Variants in LRRIQ1 observed in about 807,000 individuals in gnomAD.
LRRIQ1 encodes leucine rich repeats and IQ motif containing 1, also known as leucine-rich repeat- and IQ domain-containing protein 1.
LRRIQ1 carries 210 observed loss-of-function variants against 211.9 expected under a neutral mutation model. That is an observed-to-expected ratio of 0.99 (90% CI 0.89 to 1.11). The LOEUF is 1.11. Among genes scored for constraint, LRRIQ1 ranks in the 50% most tolerant of loss-of-function variants. The probability of loss-of-function intolerance (pLI) is 0.00; values close to 1 mark genes in which losing one functional copy is unlikely to be tolerated. For synonymous variants in LRRIQ1, 699 were observed against 650.1 expected (o/e 1.08, Z -1.14); for missense variants, 2,136 against 1,939.5 (o/e 1.10, Z -1.90).
chr12:85,079,002 A>G (rs1453234414), intron 11 of LRRIQ1, among the ~76,000 whole-genome samples: 1 of 152,166 alleles, frequency 6.6e-6, no homozygotes, highest in Admixed American at 6.5e-5. Context: ...CTGACTTAAC[A>G]CAAGACATCT....
intron 7 of LRRIQ1, 103 bp downstream of exon 7, chr12:85,052,354 T>C: frequency 1.8e-6 from 1 of 568,300 alleles, no homozygotes; most frequent in East Asian, 3.1e-5. Flanking sequence ...CTAAGTAGTA[T>C]AAGATTTTAG....
intron 24 of LRRIQ1, among the ~76,000 whole-genome samples, chr12:85,170,645 A>G (rs773894634): frequency 6.6e-6 from 1 of 151,740 alleles, no homozygotes; most frequent in Non-Finnish European, 1.5e-5. Flanking sequence ...GACCATATGT[A>G]GCCTGTGTAC....
intron 24 of LRRIQ1, among the ~76,000 whole-genome samples, chr12:85,223,393 T>A (rs1477941923): frequency 6.6e-6 from 1 of 152,104 alleles, no homozygotes. Flanking sequence ...AAAAGAGTTG[T>A]AAGACAAAGG....
chr12:85,212,958 C>G (rs1483965326), intron 24 of LRRIQ1, among the ~76,000 whole-genome samples: 2 of 150,604 alleles, frequency 1.3e-5, no homozygotes, highest in Non-Finnish European at 3.0e-5. Context: ...AAAAATAACA[C>G]AGTACAGATG....
At chr12:85,261,443 C>A (rs1176553236) in intron 1 of LRRIQ1, among the ~76,000 whole-genome samples, 1 of 152,090 alleles carries the variant, frequency 6.6e-6, no homozygotes, top group Non-Finnish European at 1.5e-5. Flanking sequence ...TTTGAAATTA[C>A]AGACCAATTT....
intron 3 of LRRIQ1, among the ~76,000 whole-genome samples, chr12:85,042,475 A>T (rs1309995345): frequency 6.7e-6 from 1 of 148,336 alleles, no homozygotes; most frequent in Admixed American, 6.7e-5. Context: ...TAAAATTATT[A>T]AATTTATTAT....
intron 24 of LRRIQ1, among the ~76,000 whole-genome samples, chr12:85,192,220 G>A (rs956148389): frequency 6.7e-6 from 1 of 150,324 alleles, no homozygotes; most frequent in East Asian, 2.0e-4. Flanking sequence ...ACCTGTACTC[G>A]ATGTATAGCT....
intron 24 of LRRIQ1, among the ~76,000 whole-genome samples, chr12:85,175,369 A>G (rs1277440777): frequency 6.6e-6 from 1 of 152,212 alleles, no homozygotes; most frequent in Non-Finnish European, 1.5e-5. Context: ...GAAAAAGAGT[A>G]TATTTGCTAT....
At chr12:85,109,400 C>T (rs1887008452) in intron 15 of LRRIQ1, among the ~76,000 whole-genome samples, 1 of 152,086 alleles carries the variant, frequency 6.6e-6, no homozygotes, top group African/African-American at 2.4e-5. Context: ...CCCAGAAAGT[C>T]CATTTTTCTT....
chr12:85,156,065 G>A (rs1030886136), intron 23 of LRRIQ1, among the ~76,000 whole-genome samples: 2 of 151,486 alleles, frequency 1.3e-5, no homozygotes, highest in African/African-American at 2.4e-5. Context: ...TAACATTTTG[G>A]GTTAGGTTAA....
chr12:85,142,107 T>A (rs1290830091), intron 19 of LRRIQ1, among the ~76,000 whole-genome samples: 4 of 151,486 alleles, frequency 2.6e-5, no homozygotes, highest in African/African-American at 2.4e-5. Context: ...TTTCAATTTT[T>A]AAATATGCCA....
intron 24 of LRRIQ1, among the ~76,000 whole-genome samples, chr12:85,220,794 CT>C (rs1405044237): frequency 2.4e-5 from 3 of 125,518 alleles, no homozygotes; most frequent in African/African-American, 8.7e-5. Flanking sequence ...TCCCTCCCCC[CT>C]CCCCCCTGTT....
At position 85,098,604 on chromosome 12, in the gene LRRIQ1, GA is replaced by G; in HGVS notation, c.3081+59del. On this transcript the variant is annotated intron_variant, in intron 12 of 26. Coordinates refer to ENST00000393217, the MANE Select transcript of LRRIQ1 (RefSeq NM_001079910.2). ...ATAAAGCAACACTTTTCTTTTGATAGAAATACCAATCACATATTAAAAGCAA... is the reference window on the plus strand; with the variant it reads ...ATAAAGCAACACTTTTCTTTTGATAGAATACCAATCACATATTAAAAGCAA... 4.3e-6 allele frequency: 6 copies of G among 1,406,930 alleles called. No homozygotes were observed. The South Asian group carries it at 8.0e-5, about 19-fold the overall frequency. 87.2% of individuals were successfully genotyped at this position (1,406,930 alleles called of 1,614,324 possible).
At chr12:85,123,973 C>T in intron 16 of LRRIQ1, 97 bp from the exon 17 acceptor site, 1 of 754,976 alleles carries the variant, frequency 1.3e-6, no homozygotes, top group Non-Finnish European at 2.1e-6. Flanking sequence ...GTTTAATATT[C>T]ATTTGAGGCC....
At chr12:85,250,975 A>AATATATT (rs1310964496) in intron 1 of LRRIQ1, among the ~76,000 whole-genome samples, 75 of 113,916 alleles carry the variant, frequency 6.6e-4, no homozygotes, top group East Asian at 2.4e-3. Flanking sequence ...TATTATATAT[A>AATATATT]TTATAGATTA....
At chr12:85,122,891 C>A (rs978836935) in intron 16 of LRRIQ1, among the ~76,000 whole-genome samples, 6 of 151,890 alleles carry the variant, frequency 4.0e-5, no homozygotes, top group Non-Finnish European at 5.9e-5. Flanking sequence ...TCTTCACATT[C>A]CCTTGAAGTC....
chr12:85,172,807 G>A (rs1273232945), intron 24 of LRRIQ1, among the ~76,000 whole-genome samples: 1 of 151,950 alleles, frequency 6.6e-6, no homozygotes, highest in African/African-American at 2.4e-5. Flanking sequence ...AGATGAAGTG[G>A]GCATTAAAAT....
chr12:85,089,114 C>T (rs888433146), intron 11 of LRRIQ1, among the ~76,000 whole-genome samples: 4 of 152,108 alleles, frequency 2.6e-5, no homozygotes, highest in Admixed American at 2.6e-4. Flanking sequence ...AGATACGTCC[C>T]ATCAATACCT....
In LRRIQ1 at chr12:85,211,574, C is replaced by A. The variant is rs146157334; in HGVS notation, c.4823-17943C>A. 9.9e-5 allele frequency among the ~76,000 whole-genome samples: 15 copies of A among 152,222 alleles called. No homozygotes were observed. The South Asian group carries it at 1.4e-3, about 15-fold the overall frequency. On this transcript the variant is annotated intron_variant, in intron 24 of 26. Coordinates refer to ENST00000393217, the MANE Select transcript of LRRIQ1 (RefSeq NM_001079910.2). ...ATCACACAAACTTTGGCTCAAAAAT[C>A]AAAATTGCCATTTCCAAAGTTTGCA... is the stretch of plus-strand genomic sequence containing the variant.
Sources: allele counts gnomAD v4.1 joint callset (sites outside exome capture counted in the v4.1 genomes callset), GRCh38; gene constraint gnomAD v4.1.1; transcripts MANE v1.5; gene names NCBI Gene and HGNC (gene_info 2026-07-23, HGNC 2026-07-21).